Variants in MLPH observed in about 807,000 individuals in gnomAD.
The protein encoded by MLPH is exophilin-3.
Under a neutral mutation model 72.1 loss-of-function variants are expected in MLPH, and 51 were observed. The ratio of observed to expected loss-of-function variants is 0.71; its 90% confidence interval spans 0.56 to 0.89. MLPH has a LOEUF of 0.89. Ranked by LOEUF, MLPH falls within the 40% of genes least tolerant of loss-of-function variation. The pLI is 0.00. For synonymous variants in MLPH, 301 were observed against 310.1 expected (o/e 0.97, Z 0.31); for missense variants, 743 against 759.9 (o/e 0.98, Z 0.26).
intron 7 of MLPH, among the ~76,000 whole-genome samples, chr2:237,526,223 A>G (rs2080301510): frequency 6.6e-6 from 1 of 152,162 alleles, no homozygotes; most frequent in Non-Finnish European, 1.5e-5. Flanking sequence ...CTGAGAACCT[A>G]AATCTGCTTG....
At chr2:237,524,302 A>ATATATATATATATATATATATATAT (rs2080253513) in intron 6 of MLPH, among the ~76,000 whole-genome samples, 16 of 127,366 alleles carry the variant, frequency 1.3e-4, no homozygotes, top group African/African-American at 6.6e-4. Context: ...GAACTAATAG[A>ATATATATATATATATATATATATAT]ATATATATAT....
Position 237,540,837 on chromosome 2 carries a change from A to G in MLPH, c.1326A>G (p.Glu442=), listed in dbSNP as rs778835186. The G allele has an allele frequency of 1.2e-6, 2 of 1,613,412 alleles. No homozygotes were observed. Among genetic ancestry groups the G allele is most frequent in the East Asian group, 2.2e-5 (1 of 44,866 alleles). ...CTGCCCATCAAACCAACAGACAGGA[A>G]AAAAGCCCCCAGGACCCTGGGGACC... ...GTAAHQTNRQ[E]KSPQDPGDPV... Residue 442 remains glutamate (E), a synonymous_variant, in exon 11 of 16, where the codon GAA becomes GAG. Coordinates refer to ENST00000264605, the MANE Select transcript of MLPH (RefSeq NM_024101.7).
chr2:237,493,609 T>TTGACCCACCCAGACAGCAC, intron 2 of MLPH, 73 bp downstream of exon 2: 1 of 1,150,994 alleles, frequency 8.7e-7, no homozygotes, highest in Non-Finnish European at 1.3e-6. Context: ...ATGGGTGCTG[T>TTGACCCACCCAGACAGCAC]CTGGGTGGGT....
At chr2:237,530,737 A>G (rs1346250139) in intron 8 of MLPH, among the ~76,000 whole-genome samples, 1 of 152,018 alleles carries the variant, frequency 6.6e-6, no homozygotes, top group Non-Finnish European at 1.5e-5. Flanking sequence ...GAGGCATGGA[A>G]CTCCTTTTGT....
rs2292879 is a variant in MLPH, at chr2:237,510,968, A to T, written c.333-21A>T. The T allele has an allele frequency of 2.5e-6, 4 of 1,603,264 alleles. No individual in the cohort carries two copies. In the Admixed American group the frequency reaches 6.7e-5, roughly 27 times the overall value. On this transcript the variant is annotated intron_variant, in intron 3 of 15. Coordinates refer to ENST00000264605, the MANE Select transcript of MLPH (RefSeq NM_024101.7). The surrounding 1 kb of genome is among the most constrained non-coding windows in gnomAD (Gnocchi z 4.4). ...TGTACAGCACTCAGGCAGTGCCATG[A>T]GCCTGTGCTTGTCCCTGCAGAGTCG...
At chr2:237,524,302 A>AATGT in intron 6 of MLPH, among the ~76,000 whole-genome samples, 1 of 127,380 alleles carries the variant, frequency 7.9e-6, no homozygotes, top group South Asian at 2.4e-4. Context: ...GAACTAATAG[A>AATGT]ATATATATAT....
chr2:237,551,491 C>T (rs1441507616), intron 14 of MLPH, among the ~76,000 whole-genome samples: 2 of 152,252 alleles, frequency 1.3e-5, no homozygotes, highest in Non-Finnish European at 2.9e-5. Flanking sequence ...TGACAACTGG[C>T]TCCAGTCAGG....
chr2:237,522,763 A>C (rs1038736692), intron 6 of MLPH, among the ~76,000 whole-genome samples: 2 of 152,074 alleles, frequency 1.3e-5, no homozygotes, highest in African/African-American at 4.8e-5. Context: ...GAGAAAGCTA[A>C]TTAATGGAAG....
chr2:237,535,927 C>T (rs1406436162), intron 9 of MLPH, among the ~76,000 whole-genome samples: 2 of 152,204 alleles, frequency 1.3e-5, no homozygotes, highest in Admixed American at 6.5e-5. Flanking sequence ...ACCACTCGGT[C>T]TTTCCCAATC....
At position 237,505,781 on chromosome 2, in the gene MLPH, G is replaced by A. The variant is rs889571495; in HGVS notation, c.111-4793G>A. ...ACGCCCTTTCTTCAGAGGCTGCCGG[G>A]CCTCCCTTGAGGACAGGAGTGCCCC... is the stretch of plus-strand genomic sequence containing the variant. On this transcript the variant is annotated intron_variant, in intron 2 of 15. Coordinates refer to ENST00000264605, the MANE Select transcript of MLPH (RefSeq NM_024101.7). The surrounding 1 kb of genome is among the most constrained non-coding windows in gnomAD (Gnocchi z 4.5). 1.1e-4 allele frequency among the ~76,000 whole-genome samples: 16 copies of A among 152,312 alleles called. No individual in the cohort carries two copies. The highest frequency in any genetic ancestry group is 5.9e-4 in the Admixed American group (9 of 15,302).
chr2:237,488,749 A>C (rs2079370800), intron 1 of MLPH, among the ~76,000 whole-genome samples: 1 of 152,154 alleles, frequency 6.6e-6, no homozygotes, highest in East Asian at 1.9e-4. Flanking sequence ...AAACCAGCTG[A>C]ATGTGTGCCC....
intron 14 of MLPH, 73 bp from the exon 15 acceptor site, chr2:237,552,261 TGAG>T: frequency 6.6e-6 from 8 of 1,213,440 alleles, no homozygotes; most frequent in Non-Finnish European, 9.7e-6. Flanking sequence ...TTTAAATTTC[TGAG>T]GAGGCCAAGG....
intron 2 of MLPH, among the ~76,000 whole-genome samples, chr2:237,495,995 C>T (rs2079528686): frequency 6.6e-6 from 1 of 152,244 alleles, no homozygotes; most frequent in South Asian, 2.1e-4. Context: ...CTTTCCCATT[C>T]TCTCTACGTA....
At position 237,510,826 on chromosome 2, in the gene MLPH, T is replaced by C; in HGVS notation, c.332+31T>C. On this transcript the variant is annotated intron_variant, in intron 3 of 15. Transcript: ENST00000264605. This position sits in a 1 kb window ranked among gnomAD's most constrained non-coding sequence, Gnocchi z 4.4. ...CCCAGGCCTTGAGGTAAAATGACCT[T>C]GATAGTTTCTGGATCTGGCGTGTCC... 1 of 1,611,222 alleles carries C rather than the reference T, an allele frequency of 6.2e-7. No individual in the cohort carries two copies. The highest frequency in any genetic ancestry group is 8.5e-7 in the Non-Finnish European group (1 of 1,178,546).
intron 8 of MLPH, 65 bp downstream of exon 8, chr2:237,527,581 C>T (rs2080332606): frequency 6.3e-7 from 1 of 1,597,950 alleles, no homozygotes. Context: ...TACCTCCACA[C>T]CAAGTCACTT....
chr2:237,534,513 G>A lies in MLPH; in HGVS notation c.1021-51G>A, dbSNP rs748072345. The A allele has an allele frequency of 2.7e-6, 4 of 1,478,918 alleles. No individual in the cohort carries two copies. In the South Asian group the frequency reaches 4.5e-5, roughly 17 times the overall value. The allele number at this position is 1,478,918 out of a possible 1,614,324, so 91.6% of individuals were successfully genotyped here. A position where few individuals can be genotyped will look rare whatever the true frequency, so the allele number is the denominator to read the frequency against. On this transcript the variant is annotated intron_variant, in intron 8 of 15. Coordinates refer to ENST00000264605, the MANE Select transcript of MLPH (RefSeq NM_024101.7). ...AGGTGGTGGGTGCCAGTGTCTTGCTGGTTGGAGTGCACTGGGTCCTCTGCC... is the reference window on the plus strand; with the variant it reads ...AGGTGGTGGGTGCCAGTGTCTTGCTAGTTGGAGTGCACTGGGTCCTCTGCC...
Position 237,500,936 on chromosome 2 carries a change from G to A in MLPH, c.110+7400G>A, listed in dbSNP as rs114189996. 5.2e-3 allele frequency among the ~76,000 whole-genome samples: 783 copies of A among 151,962 alleles called. 9 individuals carry two copies. The highest frequency in any genetic ancestry group is 0.017 in the African/African-American group (720 of 41,412). On this transcript the variant is annotated intron_variant, in intron 2 of 15. Transcript: ENST00000264605. ...ACTCTTCTCTCCCTCCACCCTCACC[G>A]TCTTGTTGTCCATTCTCCCCACATC...
rs945446428 is a variant in MLPH at position 237,505,274 on chromosome 2, C to T, written c.111-5300C>T. ...GCCGGGCACTGAGATACGGATGGCA[C>T]CCACCACTGAGACCCTGATCCCAGC... is the stretch of plus-strand genomic sequence containing the variant. On this transcript the variant is annotated intron_variant, in intron 2 of 15. Coordinates refer to ENST00000264605, the MANE Select transcript of MLPH (RefSeq NM_024101.7). This position sits in a 1 kb window ranked among gnomAD's most constrained non-coding sequence, Gnocchi z 4.5. Among the ~76,000 whole-genome samples, 1 of 152,174 alleles carries T rather than the reference C, an allele frequency of 6.6e-6. No individual in the cohort carries two copies. The highest frequency in any genetic ancestry group is 2.4e-5 in the African/African-American group (1 of 41,430).
chr2:237,528,661 A>G (rs1187988743), intron 8 of MLPH, among the ~76,000 whole-genome samples: 2 of 151,962 alleles, frequency 1.3e-5, no homozygotes, highest in Non-Finnish European at 2.9e-5. Flanking sequence ...ATTCAGTGAC[A>G]GTACATTTAC....
Sources: allele counts gnomAD v4.1 joint callset (sites outside exome capture counted in the v4.1 genomes callset), GRCh38; gene constraint gnomAD v4.1.1; non-coding constraint Gnocchi (gnomAD v3.1); transcripts MANE v1.5; gene names NCBI Gene and HGNC (gene_info 2026-07-23, HGNC 2026-07-21).